SGK1: variants seen among roughly 807,000 people sequenced by gnomAD.
SGK1 encodes serine/threonine-protein kinase Sgk1.
SGK1 carries 26 observed loss-of-function variants against 64.2 expected under a neutral mutation model. The observed-to-expected ratio is 0.40, with a 90% confidence interval of 0.30 to 0.56. The LOEUF (loss-of-function observed/expected upper bound fraction) is 0.56, where lower values mean the gene tolerates loss of function less well. Ranked by LOEUF, SGK1 falls within the 20% of genes least tolerant of loss-of-function variation. The pLI is 0.38. For missense variants in SGK1, 519 were observed against 645.6 expected, an observed-to-expected ratio of 0.80 and a Z score of 2.12; for synonymous variants, 265 against 239.7, an observed-to-expected ratio of 1.11 and a Z score of -0.98.
intron 1 of SGK1, among the ~76,000 whole-genome samples, chr6:134,315,468 A>G (rs1390727849): frequency 6.6e-6 from 1 of 152,184 alleles, no homozygotes; most frequent in Non-Finnish European, 1.5e-5. Context: ...CAAGGTCTGC[A>G]GAGTCACCAA....
chr6:134,303,247 C>CG (rs1345901541), intron 1 of SGK1, among the ~76,000 whole-genome samples: 3 of 151,766 alleles, frequency 2.0e-5, no homozygotes, highest in Admixed American at 2.0e-4. Flanking sequence ...CGAAAATTAG[C>CG]GGGGCGTGGT....
chr6:134,223,193 A>C (rs1333419880), intron 2 of SGK1, among the ~76,000 whole-genome samples: 3 of 149,480 alleles, frequency 2.0e-5, no homozygotes, highest in Non-Finnish European at 3.0e-5. Flanking sequence ...ACATGGAGAA[A>C]CCTCATCTCT....
At chr6:134,252,333 G>C (rs1776617483) in intron 2 of SGK1, among the ~76,000 whole-genome samples, 1 of 152,142 alleles carries the variant, frequency 6.6e-6, no homozygotes, top group South Asian at 2.1e-4. Flanking sequence ...TGGTTATCAG[G>C]CTCTCTGGCT....
chr6:134,256,370 CTGTG>C (rs753190735), intron 2 of SGK1, among the ~76,000 whole-genome samples: 2 of 150,588 alleles, frequency 1.3e-5, no homozygotes, highest in East Asian at 1.9e-4. Flanking sequence ...GTGTGTGTGT[CTGTG>C]TGTGTGTGTG....
intron 1 of SGK1, among the ~76,000 whole-genome samples, chr6:134,266,295 C>CT (rs1228196838): frequency 7.9e-5 from 12 of 151,918 alleles, no homozygotes; most frequent in African/African-American, 2.7e-4. Flanking sequence ...TATATGTACT[C>CT]TTTTCAATAG....
At chr6:134,245,354 G>C (rs1194792228) in intron 2 of SGK1, among the ~76,000 whole-genome samples, 1 of 152,190 alleles carries the variant, frequency 6.6e-6, no homozygotes, top group African/African-American at 2.4e-5. Flanking sequence ...CAGTTCAATG[G>C]GAGAAAATGC....
chr6:134,235,096 C>T (rs955600967), intron 2 of SGK1, among the ~76,000 whole-genome samples: 2 of 152,164 alleles, frequency 1.3e-5, no homozygotes, highest in African/African-American at 2.4e-5. Flanking sequence ...TGGTTATCAT[C>T]GCTGAGTATA....
chr6:134,303,288 A>T (rs910891882), intron 1 of SGK1, among the ~76,000 whole-genome samples: 20 of 152,076 alleles, frequency 1.3e-4, no homozygotes, highest in Middle Eastern at 6.8e-3. Context: ...GCTACTCAGG[A>T]GGCTGAGGCA....
At chr6:134,271,285 CTCCAG>C (rs1233371742) in intron 1 of SGK1, among the ~76,000 whole-genome samples, 5 of 127,046 alleles carry the variant, frequency 3.9e-5, no homozygotes, top group African/African-American at 1.3e-4. Context: ...CACCACTAGA[CTCCAG>C]TCTGCAGAGT....
Position 134,264,367 on chromosome 6 carries a change from C to T in SGK1, c.70-2219G>A, listed in dbSNP as rs111822519. On this transcript the variant is annotated intron_variant, in intron 1 of 13. Transcript: ENST00000367858. ...ATCTCCTGACCTCATGATCCGCCCA[C>T]CTTGGCCTCCCATAGTGCTGGTATT... is the stretch of plus-strand genomic sequence containing the variant. 9.7e-3 allele frequency among the ~76,000 whole-genome samples: 1,475 copies of T among 152,158 alleles called. 26 individuals are homozygous for T. Among genetic ancestry groups the T allele is most frequent in the African/African-American group, 0.034 (1,392 of 41,512 alleles).
intron 3 of SGK1, among the ~76,000 whole-genome samples, chr6:134,206,377 ATATATATTTTTTTTTT>A (rs1775782667): frequency 2.4e-4 from 1 of 4,154 alleles, no homozygotes; most frequent in African/African-American, 6.5e-4. Context: ...ATATATATAT[ATATATATTTTTTTTTT>A]TTTTTTTTTT....
chr6:134,252,833 T>C (rs1026516917), intron 2 of SGK1, among the ~76,000 whole-genome samples: 1 of 152,044 alleles, frequency 6.6e-6, no homozygotes, highest in Non-Finnish European at 1.5e-5. Flanking sequence ...TAATACATCA[T>C]GCCAAGAGCA....
rs1297157789 is a variant in SGK1 at position 134,255,849 on chromosome 6, T to C, written c.285+6084A>G. Among the ~76,000 whole-genome samples, 2 of 152,068 alleles carry C rather than the reference T, an allele frequency of 1.3e-5. 1 individual carries two copies. Among genetic ancestry groups the C allele is most frequent in the Non-Finnish European group, 2.9e-5 (2 of 68,014 alleles). ...ATCTGCCCTCCTCGACCTCCAAAAG[T>C]GCTGGGATTACAGGCGTGAGCCACT... On this transcript the variant is annotated intron_variant, in intron 2 of 13. Transcript: ENST00000367858.
intron 3 of SGK1, among the ~76,000 whole-genome samples, chr6:134,201,298 G>A (rs1316235003): frequency 1.1e-4 from 16 of 151,948 alleles, no homozygotes; most frequent in Admixed American, 1.0e-3. Flanking sequence ...CTGACCTCAT[G>A]ATCCGCCCGT....
chr6:134,262,512 G>A (rs1056595344), intron 1 of SGK1, among the ~76,000 whole-genome samples: 4 of 92 alleles, frequency 0.043, no homozygotes, highest in Non-Finnish European at 0.054. Flanking sequence ...AGATCCTCCT[G>A]GACCAGCCTG....
chr6:134,174,773 A>G (rs1411350406), intron 3 of SGK1, 187 bp from the exon 4 acceptor site: 1 of 1,614,180 alleles, frequency 6.2e-7, no homozygotes, highest in Non-Finnish European at 8.5e-7. Flanking sequence ...GGAGTAAGTG[A>G]GGGTGCCCTT....
intron 2 of SGK1, among the ~76,000 whole-genome samples, chr6:134,248,566 C>T (rs760944979): frequency 6.6e-5 from 10 of 151,486 alleles, no homozygotes; most frequent in Non-Finnish European, 1.0e-4. Flanking sequence ...GTTCTCCTGC[C>T]TCAGCCTCCC....
At chr6:134,225,179 G>A (rs1776152229) in intron 2 of SGK1, among the ~76,000 whole-genome samples, 1 of 151,440 alleles carries the variant, frequency 6.6e-6, no homozygotes. Context: ...GTGAAACGCT[G>A]TCTCTACTAA....
At chr6:134,273,286 T>C (rs1776967488) in intron 1 of SGK1, among the ~76,000 whole-genome samples, 1 of 146,658 alleles carries the variant, frequency 6.8e-6, no homozygotes. Context: ...TCAGGAAAAA[T>C]CAGGGAAGGC....
Sources: gnomAD v4.1 joint callset for allele counts (sites outside exome capture counted in the v4.1 genomes callset) on GRCh38, gnomAD v4.1.1 for gene constraint, MANE v1.5 for transcripts, NCBI Gene and HGNC (gene_info 2026-07-23, HGNC 2026-07-21) for gene names.